The following SCMH1 variants were observed in gnomAD, a reference collection of about 807,000 sequenced individuals.
The protein encoded by SCMH1 is polycomb protein SCMH1.
Under a neutral mutation model 70.8 loss-of-function variants are expected in SCMH1, and 37 were observed. The observed-to-expected ratio is 0.52, with a 90% CI of 0.40 to 0.69. SCMH1 has a LOEUF of 0.69. SCMH1 is among the 30% of genes least tolerant of loss of function. The pLI, the probability that SCMH1 is intolerant of heterozygous loss-of-function variation, is 0.00. For synonymous variants in SCMH1, 292 were observed against 307.4 expected, an observed-to-expected ratio of 0.95 and a Z score of 0.52; for missense variants, 607 against 827.3, an observed-to-expected ratio of 0.73 and a Z score of 3.27.
intron 6 of SCMH1, among the ~76,000 whole-genome samples, chr1:41,131,759 T>A (rs964502994): frequency 6.6e-6 from 1 of 152,200 alleles, no homozygotes; most frequent in African/African-American, 2.4e-5. Context: ...TGTGTCCACG[T>A]GTTCTCATTG....
intron 2 of SCMH1, among the ~76,000 whole-genome samples, chr1:41,177,580 T>G (rs1647326748): frequency 6.6e-6 from 1 of 152,224 alleles, no homozygotes; most frequent in Non-Finnish European, 1.5e-5. Context: ...GCATGAGAAC[T>G]ACGTGACGAA....
intron 6 of SCMH1, among the ~76,000 whole-genome samples, chr1:41,126,777 T>C (rs1370117346): frequency 6.6e-6 from 1 of 152,224 alleles, no homozygotes; most frequent in African/African-American, 2.4e-5. Context: ...ATTGTGTGAA[T>C]GTACTATATA....
chr1:41,169,663 G>A (rs1646654397), intron 2 of SCMH1, among the ~76,000 whole-genome samples: 1 of 152,184 alleles, frequency 6.6e-6, no homozygotes, highest in Non-Finnish European at 1.5e-5. Context: ...CTCAATGCAA[G>A]TTAGTTGGAA....
intron 10 of SCMH1, among the ~76,000 whole-genome samples, chr1:41,059,544 C>T (rs547131137): frequency 6.4e-4 from 97 of 152,330 alleles, no homozygotes; most frequent in African/African-American, 2.3e-3. Context: ...AGAGCCACCT[C>T]CACCACTCAA....
chr1:41,130,619 TA>T (rs370396615), intron 6 of SCMH1, among the ~76,000 whole-genome samples: 2,031 of 152,308 alleles, frequency 0.013, 47 homozygotes, highest in African/African-American at 0.046. Context: ...TATGTAAGTA[TA>T]AAAAATTAGC....
chr1:41,227,781 A>G (rs1408727507), intron 1 of SCMH1, among the ~76,000 whole-genome samples: 1 of 152,208 alleles, frequency 6.6e-6, no homozygotes, highest in African/African-American at 2.4e-5. Context: ...GGTCAAGACC[A>G]GTCTGGCCAA....
At chr1:41,142,603 C>A (rs1644200628) in intron 6 of SCMH1, among the ~76,000 whole-genome samples, 1 of 152,148 alleles carries the variant, frequency 6.6e-6, no homozygotes, top group African/African-American at 2.4e-5. Context: ...TCCTTCCATT[C>A]TCTCTCTCAG....
At chr1:41,161,537 C>T (rs191990994) in intron 2 of SCMH1, 105 bp from the exon 3 acceptor site, 65 of 1,255,546 alleles carry the variant, frequency 5.2e-5, no homozygotes, top group Non-Finnish European at 6.7e-5. Context: ...TAATCCACTT[C>T]CGAGATTCTA....
At chr1:41,152,940 A>T (rs1445253386) in intron 4 of SCMH1, among the ~76,000 whole-genome samples, 1 of 152,236 alleles carries the variant, frequency 6.6e-6, no homozygotes, top group Admixed American at 6.5e-5. Context: ...TGATTAATCA[A>T]CATGACTAGA....
At chr1:41,106,925 T>C (rs1668082951) in intron 8 of SCMH1, among the ~76,000 whole-genome samples, 3 of 151,776 alleles carry the variant, frequency 2.0e-5, no homozygotes, top group Admixed American at 2.0e-4. Flanking sequence ...CTTCACCTTG[T>C]GATCCACCCG....
chr1:41,054,710 TA>T (rs1285326702), intron 10 of SCMH1, among the ~76,000 whole-genome samples: 1 of 152,198 alleles, frequency 6.6e-6, no homozygotes, highest in Non-Finnish European at 1.5e-5. Context: ...GGCTTATCAT[TA>T]AAAGACTTGT....
At chr1:41,028,748 A>G in intron 13 of SCMH1, 22 bp from the exon 15 acceptor site, 3 of 1,612,798 alleles carry the variant, frequency 1.9e-6, no homozygotes, top group East Asian at 2.2e-5. Flanking sequence ...GAGGGCACCT[A>G]CCATAAAGGG....
chr1:41,066,294 C>A (rs1412916844), intron 10 of SCMH1, among the ~76,000 whole-genome samples: 1 of 152,234 alleles, frequency 6.6e-6, no homozygotes, highest in Admixed American at 6.5e-5. Flanking sequence ...AAAGGGCTCT[C>A]GTTGCCAGGA....
At chr1:41,101,471 G>C (rs1272700281) in intron 8 of SCMH1, among the ~76,000 whole-genome samples, 1 of 152,200 alleles carries the variant, frequency 6.6e-6, no homozygotes, top group East Asian at 1.9e-4. Flanking sequence ...GTAACTTTTA[G>C]ATGGGAGAGA....
At chr1:41,190,376 G>A (rs1380022846) in intron 1 of SCMH1, among the ~76,000 whole-genome samples, 2 of 152,214 alleles carry the variant, frequency 1.3e-5, no homozygotes, top group Non-Finnish European at 2.9e-5. Flanking sequence ...GTGGGTGGAA[G>A]CTATAGGTAG....
chr1:41,059,368 GT>G (rs1258636804), intron 10 of SCMH1, among the ~76,000 whole-genome samples: 1 of 152,180 alleles, frequency 6.6e-6, no homozygotes, highest in Non-Finnish European at 1.5e-5. Context: ...GAGCAGAAGA[GT>G]GGCAGAATGG....
At chr1:41,177,085 T>A (rs1408104850) in intron 2 of SCMH1, among the ~76,000 whole-genome samples, 1 of 152,132 alleles carries the variant, frequency 6.6e-6, no homozygotes, top group Non-Finnish European at 1.5e-5. Flanking sequence ...TGTTCACCAA[T>A]ATCCGCTGTT....
intron 13 of SCMH1, among the ~76,000 whole-genome samples, chr1:41,034,317 TTTTTC>T (rs1194463637): frequency 1.4e-4 from 21 of 151,850 alleles, no homozygotes; most frequent in African/African-American, 2.2e-4. Context: ...GAGGTGACTT[TTTTTC>T]TTTTCTTTTC....
intron 2 of SCMH1, among the ~76,000 whole-genome samples, chr1:41,169,266 G>A (rs976511402): frequency 6.6e-6 from 1 of 152,186 alleles, no homozygotes; most frequent in Non-Finnish European, 1.5e-5. Flanking sequence ...TTATCACTGA[G>A]ATTAGCTAGA....
Sources: allele counts gnomAD v4.1 joint callset (sites outside exome capture counted in the v4.1 genomes callset), GRCh38; gene constraint gnomAD v4.1.1; transcripts MANE v1.5; gene names NCBI Gene and HGNC (gene_info 2026-07-23, HGNC 2026-07-21).